Variants in GPM6A observed in about 807,000 individuals in gnomAD.
GPM6A encodes glycoprotein M6A.
In GPM6A, 7 loss-of-function variants were observed where a neutral mutation model predicts 32.1. The observed-to-expected ratio is 0.22, with a 90% CI of 0.12 to 0.41. The LOEUF is 0.41. Among genes scored for constraint, GPM6A ranks in the 10% least tolerant of loss-of-function variants. GPM6A has a pLI of 1.00. For synonymous variants in GPM6A, 130 were observed against 123.4 expected, an observed-to-expected ratio of 1.05 and a Z score of -0.35; for missense variants, 235 against 347.2, an observed-to-expected ratio of 0.68 and a Z score of 2.57.
chr4:175,965,438 T>A (rs1347948294), intron 1 of GPM6A, among the ~76,000 whole-genome samples: 2 of 151,916 alleles, frequency 1.3e-5, no homozygotes, highest in Non-Finnish European at 2.9e-5. Flanking sequence ...TAATATTAAT[T>A]AAAGTAGAAT....
At chr4:175,643,453 A>G (rs1741271544) in intron 4 of GPM6A, among the ~76,000 whole-genome samples, 1 of 152,312 alleles carries the variant, frequency 6.6e-6, no homozygotes, top group African/African-American at 2.4e-5. Context: ...CTGAGAAACC[A>G]GGTATCACAT....
chr4:175,711,445 T>TAC, intron 1 of GPM6A, among the ~76,000 whole-genome samples: 1 of 72,046 alleles, frequency 1.4e-5, no homozygotes, highest in South Asian at 4.3e-4. Context: ...TATATATATA[T>TAC]ATATATATAT....
intron 1 of GPM6A, among the ~76,000 whole-genome samples, chr4:175,703,295 C>T (rs1579403945): frequency 1.3e-5 from 2 of 152,210 alleles, no homozygotes; most frequent in East Asian, 1.9e-4. Context: ...CCTCAGCCTC[C>T]CGAGTAGCTG....
At position 175,729,967 on chromosome 4, in the gene GPM6A, T is replaced by A. The variant is rs1215774559; in HGVS notation, c.38-28200A>T. ...TAAATTTATGTATATATATATAAAG[T>A]CAACTTCTCTCCTGATATCTAAAGA... On this transcript the variant is annotated intron_variant, in intron 1 of 6. Coordinates refer to ENST00000393658, the MANE Select transcript of GPM6A (RefSeq NM_201591.3). 4.1e-5 allele frequency among the ~76,000 whole-genome samples: 6 copies of A among 148,070 alleles called. No individual in the cohort carries two copies. In the Admixed American group the frequency reaches 4.1e-4, roughly 10 times the overall value.
chr4:175,947,364 A>C (rs1437472086), intron 1 of GPM6A, among the ~76,000 whole-genome samples: 9 of 152,054 alleles, frequency 5.9e-5, no homozygotes, highest in African/African-American at 1.9e-4. Context: ...ACACTATCTT[A>C]ATAATATTTC....
chr4:175,807,880 C>G (rs1734758067), intron 1 of GPM6A, among the ~76,000 whole-genome samples: 1 of 152,196 alleles, frequency 6.6e-6, no homozygotes, highest in Non-Finnish European at 1.5e-5. Context: ...TTGAGCCCAG[C>G]TCTACTATTT....
intron 1 of GPM6A, among the ~76,000 whole-genome samples, chr4:175,738,989 T>C (rs1213111552): frequency 6.6e-6 from 1 of 152,162 alleles, no homozygotes; most frequent in African/African-American, 2.4e-5. Context: ...GAAAAAAACA[T>C]TTAAGTACAA....
At chr4:175,784,486 T>C (rs1223258693) in intron 1 of GPM6A, among the ~76,000 whole-genome samples, 1 of 152,198 alleles carries the variant, frequency 6.6e-6, no homozygotes, top group Non-Finnish European at 1.5e-5. Context: ...GTATGATGGT[T>C]ATGTAAACAT....
chr4:175,729,834 T>C (rs1481309050), intron 1 of GPM6A, among the ~76,000 whole-genome samples: 1 of 147,078 alleles, frequency 6.8e-6, no homozygotes, highest in Non-Finnish European at 1.5e-5. Context: ...ATTTAATAAT[T>C]ATTTATGTAT....
At chr4:175,903,211 C>T (rs898566916) in intron 1 of GPM6A, among the ~76,000 whole-genome samples, 2 of 151,806 alleles carry the variant, frequency 1.3e-5, no homozygotes. Flanking sequence ...CCAAAAGACA[C>T]AGGAGGCTCT....
At chr4:175,772,273 A>G (rs1319201558) in intron 1 of GPM6A, among the ~76,000 whole-genome samples, 2 of 152,214 alleles carry the variant, frequency 1.3e-5, no homozygotes. Context: ...GCATTTTGAA[A>G]TTGGAAAGAG....
chr4:175,817,831 G>C (rs571943128), intron 1 of GPM6A, among the ~76,000 whole-genome samples: 1 of 152,194 alleles, frequency 6.6e-6, no homozygotes, highest in Admixed American at 6.5e-5. Context: ...AAGGTATTCA[G>C]TAGTCTCGTG....
At chr4:175,732,107 C>T (rs1404471283) in intron 1 of GPM6A, among the ~76,000 whole-genome samples, 1 of 151,782 alleles carries the variant, frequency 6.6e-6, no homozygotes, top group Non-Finnish European at 1.5e-5. Context: ...GCTGGGACTA[C>T]AAGTGTGTGC....
At chr4:175,992,639 G>A (rs887037081) in intron 1 of GPM6A, among the ~76,000 whole-genome samples, 2 of 152,134 alleles carry the variant, frequency 1.3e-5, no homozygotes, top group African/African-American at 2.4e-5. Context: ...TCCTAGTGTA[G>A]TGATTATTTA....
At chr4:175,916,414 T>A (rs1738495119) in intron 1 of GPM6A, among the ~76,000 whole-genome samples, 1 of 152,228 alleles carries the variant, frequency 6.6e-6, no homozygotes, top group African/African-American at 2.4e-5. Flanking sequence ...TTATCCCATA[T>A]TTTAGCAAAA....
chr4:175,953,668 G>A (rs369344869), intron 1 of GPM6A, among the ~76,000 whole-genome samples: 7 of 152,142 alleles, frequency 4.6e-5, no homozygotes, highest in East Asian at 1.9e-4. Flanking sequence ...TTGGGAGGCC[G>A]AGGTGGGCGG....
chr4:175,938,562 T>A (rs1739311397), intron 1 of GPM6A, among the ~76,000 whole-genome samples: 1 of 152,178 alleles, frequency 6.6e-6, no homozygotes, highest in Non-Finnish European at 1.5e-5. Flanking sequence ...TTGAGAAGTG[T>A]CTGTTCATAT....
At chr4:175,760,351 GAAGAAGCAGGTGTATAAGATGTAT>G (rs1323586263) in intron 1 of GPM6A, among the ~76,000 whole-genome samples, 2 of 152,122 alleles carry the variant, frequency 1.3e-5, no homozygotes, top group African/African-American at 2.4e-5. Context: ...AATTCAAAAT[GAAGAAGCAGGTGTATAAGATGTAT>G]AAGAAGCAGG....
At chr4:175,690,552 A>T (rs138922144) in intron 2 of GPM6A, among the ~76,000 whole-genome samples, 5 of 152,344 alleles carry the variant, frequency 3.3e-5, no homozygotes, top group African/African-American at 9.6e-5. Flanking sequence ...CTTCCCTTGC[A>T]CTTTCCGACT....
Sources: gnomAD v4.1 joint callset for allele counts (sites outside exome capture counted in the v4.1 genomes callset) on GRCh38, gnomAD v4.1.1 for gene constraint, MANE v1.5 for transcripts, NCBI Gene and HGNC (gene_info 2026-07-23, HGNC 2026-07-21) for gene names.